Variants in RGS6 observed in about 807,000 individuals in gnomAD.
RGS6 encodes the protein regulator of G-protein signaling 6.
A neutral mutation model predicts 78.5 loss-of-function variants in RGS6; 30 were observed. The observed-to-expected ratio is 0.38, with a 90% confidence interval of 0.29 to 0.52. The LOEUF (loss-of-function observed/expected upper bound fraction) is 0.52, where lower values mean the gene tolerates loss of function less well. RGS6 is among the 20% of genes least tolerant of loss of function. The pLI, the probability that RGS6 is intolerant of heterozygous loss-of-function variation, is 0.85. For synonymous variants in RGS6, 206 were observed against 206.0 expected (o/e 1.00, Z 0.00); for missense variants, 495 against 609.7 (o/e 0.81, Z 1.98).
chr14:72,237,596 A>G (rs1285343657), intron 2 of RGS6, among the ~76,000 whole-genome samples: 1 of 152,040 alleles, frequency 6.6e-6, no homozygotes, highest in Non-Finnish European at 1.5e-5. Context: ...CTAAACTAGA[A>G]CCCTGGTTTC....
chr14:72,520,326 C>G (rs549615629), intron 15 of RGS6, among the ~76,000 whole-genome samples: 3 of 152,216 alleles, frequency 2.0e-5, no homozygotes, highest in African/African-American at 7.2e-5. Context: ...TTAGCATGTT[C>G]TTCTATCATC....
At chr14:72,424,992 G>T (rs1012275562) in intron 3 of RGS6, among the ~76,000 whole-genome samples, 1 of 152,162 alleles carries the variant, frequency 6.6e-6, no homozygotes, top group Non-Finnish European at 1.5e-5. Context: ...TGACATGCAG[G>T]AAACATTCAG....
intron 15 of RGS6, 31 bp from the exon 16 acceptor site, chr14:72,536,155 C>T (rs1482227347): frequency 1.0e-5 from 16 of 1,527,060 alleles, no homozygotes; most frequent in Non-Finnish European, 1.5e-5. Context: ...GACAGCCCTT[C>T]CTTGTGTCTC....
At chr14:72,512,671 T>C (rs192772410) in intron 14 of RGS6, among the ~76,000 whole-genome samples, 77 of 152,356 alleles carry the variant, frequency 5.1e-4, no homozygotes, top group African/African-American at 1.7e-3. Context: ...TCTAAAATCC[T>C]CTCTGGATGC....
At chr14:71,889,368 T>C in the RGS6 span, among the ~76,000 whole-genome samples, 5 of 152,130 alleles carry the variant, frequency 3.3e-5, no homozygotes, top group Non-Finnish European at 7.4e-5. Context: ...GTGAGAAATG[T>C]AGCTATAAGG....
chr14:72,319,621 G>A (rs1051611369), intron 2 of RGS6, among the ~76,000 whole-genome samples: 7 of 152,072 alleles, frequency 4.6e-5, no homozygotes, highest in Non-Finnish European at 8.8e-5. Context: ...GATTACAGGC[G>A]TGAGCCACCG....
chr14:72,068,559 G>A (rs192935932), intron 2 of RGS6, among the ~76,000 whole-genome samples: 231 of 145,060 alleles, frequency 1.6e-3, no homozygotes, highest in Non-Finnish European at 2.8e-3. Flanking sequence ...GTGCAGTGGC[G>A]CAATCTTGGC....
chr14:72,284,744 T>C (rs1347355683), intron 2 of RGS6, among the ~76,000 whole-genome samples: 1 of 152,072 alleles, frequency 6.6e-6, no homozygotes, highest in Admixed American at 6.5e-5. Context: ...GAATGGTAGA[T>C]CCACTAACAG....
intron 3 of RGS6, among the ~76,000 whole-genome samples, chr14:72,365,097 A>G (rs2082211754): frequency 1.3e-5 from 2 of 152,256 alleles, no homozygotes; most frequent in South Asian, 4.1e-4. Flanking sequence ...ATAAATCAAC[A>G]AACACATAGC....
intron 2 of RGS6, among the ~76,000 whole-genome samples, chr14:72,111,716 G>A (rs758474488): frequency 6.6e-6 from 1 of 152,126 alleles, no homozygotes; most frequent in Non-Finnish European, 1.5e-5. Flanking sequence ...GACCACATTT[G>A]TATATATGTG....
In RGS6 at chr14:72,236,965, C is replaced by T. The variant is rs756131118; in HGVS notation, c.85-115130C>T. On this transcript the variant is annotated intron_variant, in intron 2 of 17. Coordinates refer to ENST00000553525, the MANE Select transcript of RGS6 (RefSeq NM_001204424.2). ...GGTGATGCTAGTGCCTCTTTCCAGT[C>T]GATTTCCACCCTACGTGCACGCAGA... Among the ~76,000 whole-genome samples, 9 of 152,158 alleles carry T rather than the reference C, an allele frequency of 5.9e-5. No homozygotes were observed. In the East Asian group the frequency reaches 1.5e-3, roughly 26 times the overall value.
the RGS6 span, among the ~76,000 whole-genome samples, chr14:71,891,214 T>C: frequency 6.6e-6 from 1 of 152,232 alleles, no homozygotes; most frequent in Non-Finnish European, 1.5e-5. Flanking sequence ...CTGGTTAGCA[T>C]TGATATAACA....
intron 2 of RGS6, among the ~76,000 whole-genome samples, chr14:72,010,998 A>G (rs957805966): frequency 6.6e-6 from 1 of 152,192 alleles, no homozygotes; most frequent in Admixed American, 6.5e-5. Context: ...GCAAAACCGC[A>G]ATACTTTTGC....
chr14:72,435,951 G>A (rs1323489151), intron 3 of RGS6, among the ~76,000 whole-genome samples: 4 of 152,070 alleles, frequency 2.6e-5, no homozygotes, highest in Non-Finnish European at 5.9e-5. Context: ...CATGGACATC[G>A]GGGGGACATT....
chr14:72,032,012 T>C (rs2090975691), intron 2 of RGS6, among the ~76,000 whole-genome samples: 1 of 152,212 alleles, frequency 6.6e-6, no homozygotes, highest in African/African-American at 2.4e-5. Flanking sequence ...GTACTTAAAC[T>C]AATCCTAGAT....
chr14:71,916,621 G>A, the RGS6 span, among the ~76,000 whole-genome samples: 7,478 of 152,154 alleles, frequency 0.049, 274 homozygotes, highest in Non-Finnish European at 0.072. Flanking sequence ...TCCAGACGCC[G>A]AGCCCGACCC....
Position 72,465,756 on chromosome 14 carries a change from A to T in RGS6, c.395-2A>T. 1 of 1,612,318 alleles carries T rather than the reference A, an allele frequency of 6.2e-7. No individual in the cohort carries two copies. The highest frequency in any genetic ancestry group is 8.5e-7 in the Non-Finnish European group (1 of 1,178,364). On this transcript the variant is annotated splice_acceptor_variant, in intron 6 of 17. Coordinates refer to ENST00000553525, the MANE Select transcript of RGS6 (RefSeq NM_001204424.2). LOFTEE classifies it high-confidence loss of function. ...ATGTTGTCATTTCCTTTCTTCCCTC[A>T]GCCATCTATCTCTGTAAGAGGACAA...
At chr14:72,395,524 A>T (rs1054146867) in intron 3 of RGS6, among the ~76,000 whole-genome samples, 1 of 152,062 alleles carries the variant, frequency 6.6e-6, no homozygotes, top group African/African-American at 2.4e-5. Context: ...TTTTTTTACT[A>T]TCCAACATAA....
At chr14:72,150,115 G>T (rs1299696569) in intron 2 of RGS6, among the ~76,000 whole-genome samples, 1 of 152,138 alleles carries the variant, frequency 6.6e-6, no homozygotes, top group Non-Finnish European at 1.5e-5. Flanking sequence ...ATTAGTTAAG[G>T]TTCTTGAGAT....
Sources: gnomAD v4.1 joint callset for allele counts (sites outside exome capture counted in the v4.1 genomes callset) on GRCh38, gnomAD v4.1.1 for gene constraint, MANE v1.5 for transcripts, NCBI Gene and HGNC (gene_info 2026-07-23, HGNC 2026-07-21) for gene names.